The following ZBTB7C variants were observed in gnomAD, a reference collection of about 807,000 sequenced individuals.
ZBTB7C encodes the protein zinc finger and BTB domain containing 7C.
In ZBTB7C, 8 loss-of-function variants were observed where a neutral mutation model predicts 25.7. That is an observed-to-expected ratio of 0.31 (90% CI 0.18 to 0.56). The LOEUF is 0.56. ZBTB7C is among the 20% of genes least tolerant of loss of function. ZBTB7C has a pLI of 0.91. For synonymous variants in ZBTB7C, 394 were observed against 369.0 expected, an observed-to-expected ratio of 1.07 and a Z score of -0.78; for missense variants, 824 against 855.2, an observed-to-expected ratio of 0.96 and a Z score of 0.46.
chr18:48,333,723 C>G (rs1236311093), intron 2 of ZBTB7C, among the ~76,000 whole-genome samples: 1 of 152,184 alleles, frequency 6.6e-6, no homozygotes, highest in Non-Finnish European at 1.5e-5. Context: ...GGAGAGCCAG[C>G]AGGAAGCAGC....
At chr18:48,112,446 C>T (rs953242972) in intron 3 of ZBTB7C, among the ~76,000 whole-genome samples, 1 of 151,998 alleles carries the variant, frequency 6.6e-6, no homozygotes, top group Non-Finnish European at 1.5e-5. Context: ...CTCCTGGGTT[C>T]AAGCGATTCT....
At chr18:48,343,790 C>G (rs994563253) in intron 1 of ZBTB7C, among the ~76,000 whole-genome samples, 2 of 152,048 alleles carry the variant, frequency 1.3e-5, no homozygotes, top group Non-Finnish European at 2.9e-5. Context: ...TTAACAGGCC[C>G]CCTCCTCTCT....
At chr18:48,151,217 TC>T (rs1295408750) in intron 3 of ZBTB7C, among the ~76,000 whole-genome samples, 1 of 152,168 alleles carries the variant, frequency 6.6e-6, no homozygotes, top group Non-Finnish European at 1.5e-5. Context: ...CCACAGTGAT[TC>T]CTTTTAATAG....
intron 1 of ZBTB7C, among the ~76,000 whole-genome samples, chr18:48,358,054 A>G (rs1389773438): frequency 6.6e-6 from 1 of 152,150 alleles, no homozygotes; most frequent in African/African-American, 2.4e-5. Flanking sequence ...TGGTTGTTTA[A>G]AAGTGTGTGG....
chr18:48,141,152 C>CG (rs931375458), intron 3 of ZBTB7C, among the ~76,000 whole-genome samples: 2 of 145,612 alleles, frequency 1.4e-5, no homozygotes, highest in African/African-American at 2.5e-5. Context: ...CACCACCCCC[C>CG]CCACTGTTCC....
chr18:48,129,173 C>T (rs752909300), intron 3 of ZBTB7C, among the ~76,000 whole-genome samples: 10 of 151,994 alleles, frequency 6.6e-5, no homozygotes, highest in Non-Finnish European at 1.3e-4. Context: ...GGGGAAAAAA[C>T]GTGTGCTGCA....
intron 2 of ZBTB7C, among the ~76,000 whole-genome samples, chr18:48,333,055 C>A (rs2046377186): frequency 6.6e-6 from 1 of 151,774 alleles, no homozygotes; most frequent in Non-Finnish European, 1.5e-5. Flanking sequence ...ACCATTTCAG[C>A]AAGATGATTT....
At chr18:48,042,518 G>A (rs2036293714) in intron 3 of ZBTB7C, among the ~76,000 whole-genome samples, 1 of 152,188 alleles carries the variant, frequency 6.6e-6, no homozygotes, top group African/African-American at 2.4e-5. Flanking sequence ...TCTTCTGGAT[G>A]TTTCTGTCCT....
rs2035840450 is a variant in ZBTB7C at position 48,033,312 on chromosome 18, GGCTGTGGTTTGTTTGTAA to G, written c.1209-3419_1209-3402del. ...GGCAAAGGAACCTGGGGGGCTACCT[GGCTGTGGTTTGTTTGTAA>G]GCTATTCTGGGGATGAGAAAGGATG... On this transcript the variant is annotated intron_variant, in intron 4 of 4. Coordinates refer to ENST00000590800, the MANE Select transcript of ZBTB7C (RefSeq NM_001318841.2). Among the ~76,000 whole-genome samples the G allele has an allele frequency of 2.6e-5, 4 of 152,214 alleles. No individual in the cohort carries two copies. The South Asian group carries it at 8.3e-4, about 32-fold the overall frequency.
chr18:48,301,974 C>T (rs1036436911), intron 2 of ZBTB7C, among the ~76,000 whole-genome samples: 1 of 152,192 alleles, frequency 6.6e-6, no homozygotes, highest in African/African-American at 2.4e-5. Context: ...CATCTGGAAA[C>T]CAGCTCCTTT....
intron 1 of ZBTB7C, among the ~76,000 whole-genome samples, chr18:48,380,828 G>C (rs1292917652): frequency 1.3e-5 from 2 of 152,188 alleles, no homozygotes; most frequent in Non-Finnish European, 2.9e-5. Context: ...AAGATATTAA[G>C]AATAGGGCAA....
intron 1 of ZBTB7C, among the ~76,000 whole-genome samples, chr18:48,376,692 C>T (rs1357608520): frequency 6.6e-6 from 1 of 152,252 alleles, no homozygotes; most frequent in Non-Finnish European, 1.5e-5. Context: ...CCCCTTGCGG[C>T]TTTGCTTCCT....
intron 1 of ZBTB7C, among the ~76,000 whole-genome samples, chr18:48,383,862 C>G (rs2047687088): frequency 6.6e-6 from 1 of 152,012 alleles, no homozygotes; most frequent in African/African-American, 2.4e-5. Context: ...GGTTGTGGTG[C>G]CTAAGTGAGG....
chr18:48,303,174 G>C (rs1427422368), intron 2 of ZBTB7C, among the ~76,000 whole-genome samples: 1 of 152,202 alleles, frequency 6.6e-6, no homozygotes, highest in Non-Finnish European at 1.5e-5. Flanking sequence ...TGACTTCACT[G>C]TTTCTGTCTT....
chr18:48,313,846 C>T (rs796378666), intron 2 of ZBTB7C, among the ~76,000 whole-genome samples: 3 of 152,196 alleles, frequency 2.0e-5, no homozygotes, highest in Admixed American at 6.5e-5. Flanking sequence ...AGGTAGGGCC[C>T]GGTGGGAGGT....
chr18:48,109,550 T>C (rs1305605712), intron 3 of ZBTB7C, among the ~76,000 whole-genome samples: 2 of 152,032 alleles, frequency 1.3e-5, no homozygotes, highest in Admixed American at 6.6e-5. Flanking sequence ...CTTACGAAGA[T>C]GAGCAAAAAA....
At chr18:48,043,131 T>C (rs1267754945) in intron 3 of ZBTB7C, among the ~76,000 whole-genome samples, 1 of 152,204 alleles carries the variant, frequency 6.6e-6, no homozygotes, top group Non-Finnish European at 1.5e-5. Flanking sequence ...ACTCGTATAT[T>C]GCTGGTAGGA....
chr18:48,253,234 A>C (rs2144454538), intron 2 of ZBTB7C, among the ~76,000 whole-genome samples: 1 of 152,252 alleles, frequency 6.6e-6, no homozygotes, highest in South Asian at 2.1e-4. Context: ...AAAGAAAAAA[A>C]ATCCCTCCTG....
chr18:48,389,232 CTCTCGTGTGTGT>C (rs1274409586), intron 1 of ZBTB7C, among the ~76,000 whole-genome samples: 32 of 61,852 alleles, frequency 5.2e-4, no homozygotes, highest in East Asian at 3.7e-3. Context: ...CTCTCTCTCT[CTCTCGTGTGTGT>C]GTGTGTGTGT....
Sources: gnomAD v4.1 joint callset for allele counts (sites outside exome capture counted in the v4.1 genomes callset) on GRCh38, gnomAD v4.1.1 for gene constraint, MANE v1.5 for transcripts, NCBI Gene and HGNC (gene_info 2026-07-23, HGNC 2026-07-21) for gene names.